Variants in MLLT3 observed in about 807,000 individuals in gnomAD.
MLLT3 encodes the protein MLLT3 super elongation complex subunit, also known as protein AF-9.
MLLT3 carries 4 observed loss-of-function variants against 53.2 expected under a neutral mutation model. The ratio of observed to expected loss-of-function variants is 0.08; its 90% CI spans 0.04 to 0.17. The LOEUF is 0.17. Ranked by LOEUF, MLLT3 falls within the 10% of genes least tolerant of loss-of-function variation. The probability of loss-of-function intolerance (pLI) is 1.00; values close to 1 mark genes in which losing one functional copy is unlikely to be tolerated. For missense variants in MLLT3, 569 were observed against 684.0 expected, an observed-to-expected ratio of 0.83 and a Z score of 1.87; for synonymous variants, 283 against 230.6, an observed-to-expected ratio of 1.23 and a Z score of -2.06.
intron 3 of MLLT3, among the ~76,000 whole-genome samples, chr9:20,452,256 C>T (rs1467306755): frequency 6.6e-6 from 1 of 152,152 alleles, no homozygotes; most frequent in African/African-American, 2.4e-5. Context: ...ATAATCCCCA[C>T]GTGTCTTGGG....
intron 2 of MLLT3, among the ~76,000 whole-genome samples, chr9:20,615,545 A>G (rs1820811664): frequency 6.6e-6 from 1 of 152,070 alleles, no homozygotes; most frequent in Admixed American, 6.6e-5. Flanking sequence ...TTTCCATTAA[A>G]TAAGTTTTTA....
At chr9:20,467,530 A>G (rs1313336409) in intron 2 of MLLT3, among the ~76,000 whole-genome samples, 2 of 152,238 alleles carry the variant, frequency 1.3e-5, no homozygotes, top group Non-Finnish European at 2.9e-5. Context: ...GTGAGCCGAG[A>G]TCATGCCATT....
chr9:20,412,492 GA>G (rs1267202187), intron 5 of MLLT3, among the ~76,000 whole-genome samples: 1 of 151,886 alleles, frequency 6.6e-6, no homozygotes, highest in East Asian at 1.9e-4. Flanking sequence ...GACCACTGGG[GA>G]TCAGTGTCAG....
At chr9:20,391,242 A>C (rs1393735983) in intron 5 of MLLT3, among the ~76,000 whole-genome samples, 1 of 152,238 alleles carries the variant, frequency 6.6e-6, no homozygotes, top group Non-Finnish European at 1.5e-5. Flanking sequence ...GAATAAAATC[A>C]CATCTAAGTG....
At chr9:20,538,848 G>C (rs1818552141) in intron 2 of MLLT3, among the ~76,000 whole-genome samples, 2 of 152,126 alleles carry the variant, frequency 1.3e-5, no homozygotes, top group African/African-American at 4.8e-5. Flanking sequence ...AATAAAGCAA[G>C]TCAAGTAAAT....
intron 5 of MLLT3, among the ~76,000 whole-genome samples, chr9:20,368,269 C>A (rs1821507039): frequency 6.6e-6 from 1 of 152,188 alleles, no homozygotes; most frequent in African/African-American, 2.4e-5. Flanking sequence ...ATGTGCACTG[C>A]CCAGCTGTAA....
intron 2 of MLLT3, among the ~76,000 whole-genome samples, chr9:20,581,484 G>A (rs893801076): frequency 1.3e-5 from 2 of 152,104 alleles, no homozygotes; most frequent in Admixed American, 6.6e-5. Flanking sequence ...AAAGGGCAAC[G>A]TAAATAAGTC....
chr9:20,474,235 A>C (rs943581221), intron 2 of MLLT3, among the ~76,000 whole-genome samples: 16 of 152,162 alleles, frequency 1.1e-4, no homozygotes, highest in Admixed American at 2.6e-4. Context: ...AAAACCACAT[A>C]GAAATTTTTA....
At chr9:20,359,145 CAAAAAA>C (rs920197622) in intron 8 of MLLT3, among the ~76,000 whole-genome samples, 3 of 20,964 alleles carry the variant, frequency 1.4e-4, no homozygotes, top group African/African-American at 1.6e-4. Flanking sequence ...AACTCCATCT[CAAAAAA>C]AAAAAAAAAA....
intron 5 of MLLT3, among the ~76,000 whole-genome samples, chr9:20,402,150 G>T (rs1201246859): frequency 6.6e-6 from 1 of 152,182 alleles, no homozygotes; most frequent in East Asian, 1.9e-4. Flanking sequence ...AAGGAATCAA[G>T]CAAAAAGTAA....
At chr9:20,510,298 G>C (rs1199411922) in intron 2 of MLLT3, among the ~76,000 whole-genome samples, 1 of 152,166 alleles carries the variant, frequency 6.6e-6, no homozygotes, top group East Asian at 1.9e-4. Flanking sequence ...CTTACTGGTT[G>C]GCAGAGATAC....
At chr9:20,559,857 A>C (rs1819156440) in intron 2 of MLLT3, among the ~76,000 whole-genome samples, 1 of 152,250 alleles carries the variant, frequency 6.6e-6, no homozygotes, top group African/African-American at 2.4e-5. Flanking sequence ...GACAAATACA[A>C]GGATTTTGTA....
intron 5 of MLLT3, among the ~76,000 whole-genome samples, chr9:20,383,312 T>A (rs1023435766): frequency 2.6e-5 from 4 of 152,094 alleles, no homozygotes; most frequent in African/African-American, 7.2e-5. Flanking sequence ...ACTTTTGACA[T>A]GAACTTTGCA....
intron 2 of MLLT3, among the ~76,000 whole-genome samples, chr9:20,559,151 TA>T (rs1256502513): frequency 1.3e-5 from 2 of 152,224 alleles, no homozygotes; most frequent in Non-Finnish European, 2.9e-5. Flanking sequence ...TTGTTTTTAC[TA>T]AAAATAATTT....
At chr9:20,378,134 A>T (rs927119944) in intron 5 of MLLT3, among the ~76,000 whole-genome samples, 4 of 151,894 alleles carry the variant, frequency 2.6e-5, no homozygotes, top group Admixed American at 2.6e-4. Flanking sequence ...TAAATTTTCA[A>T]TTTTTTGTAT....
intron 6 of MLLT3, 104 bp from the exon 7 acceptor site, chr9:20,363,709 A>G (rs190677146): frequency 2.0e-6 from 2 of 1,021,550 alleles, no homozygotes; most frequent in African/African-American, 3.3e-5. Flanking sequence ...CTGGTTAAAA[A>G]TAATCATCAT....
chr9:20,587,875 G>C (rs1488473933), intron 2 of MLLT3, among the ~76,000 whole-genome samples: 3 of 152,126 alleles, frequency 2.0e-5, no homozygotes, highest in African/African-American at 7.2e-5. Context: ...TTTGGCTTTT[G>C]TTGACATTGC....
chr9:20,605,020 G>C (rs1357568870), intron 2 of MLLT3, among the ~76,000 whole-genome samples: 1 of 152,006 alleles, frequency 6.6e-6, no homozygotes, highest in Admixed American at 6.6e-5. Flanking sequence ...AAACTTTTTA[G>C]CTATTCAAGA....
At chr9:20,395,404 G>A (rs1394433182) in intron 5 of MLLT3, among the ~76,000 whole-genome samples, 2 of 152,106 alleles carry the variant, frequency 1.3e-5, no homozygotes, top group African/African-American at 4.8e-5. Context: ...AAGACCACAG[G>A]AGTTTTCAAA....
Sources: allele counts gnomAD v4.1 joint callset (sites outside exome capture counted in the v4.1 genomes callset), GRCh38; gene constraint gnomAD v4.1.1; transcripts MANE v1.5; gene names NCBI Gene and HGNC (gene_info 2026-07-23, HGNC 2026-07-21).